The following CEP83 variants were observed in gnomAD, a reference collection of about 807,000 sequenced individuals.
CEP83 encodes centrosomal protein 83.
A neutral mutation model predicts 101.9 loss-of-function variants in CEP83; 70 were observed. The observed-to-expected ratio is 0.69, with a 90% CI of 0.57 to 0.84. CEP83 has a LOEUF of 0.84. CEP83 is among the 40% of genes least tolerant of loss of function. The pLI, the probability that CEP83 is intolerant of heterozygous loss-of-function variation, is 0.00. For synonymous variants in CEP83, 264 were observed against 267.9 expected, an observed-to-expected ratio of 0.99 and a Z score of 0.14; for missense variants, 715 against 787.2, an observed-to-expected ratio of 0.91 and a Z score of 1.10.
chr12:94,417,966 A>G (rs1490554234), intron 2 of CEP83, among the ~76,000 whole-genome samples: 1 of 152,246 alleles, frequency 6.6e-6, no homozygotes, highest in Non-Finnish European at 1.5e-5. Context: ...GCTTAAACAA[A>G]CAATGACAAA....
chr12:94,446,906 C>G (rs1023330644), intron 1 of CEP83, among the ~76,000 whole-genome samples: 1 of 151,996 alleles, frequency 6.6e-6, no homozygotes, highest in Non-Finnish European at 1.5e-5. Context: ...AAGAAACCTG[C>G]AAATGCTGAA....
chr12:94,305,242 TAA>T (rs1383134665), downstream of CEP83: 1 of 1,611,436 alleles, frequency 6.2e-7, no homozygotes. Flanking sequence ...CTCTTGCATG[TAA>T]AAGTCTTATT....
At chr12:94,313,944 A>G (rs1970266642) in intron 14 of CEP83, among the ~76,000 whole-genome samples, 2 of 152,212 alleles carry the variant, frequency 1.3e-5, no homozygotes, top group African/African-American at 4.8e-5. Context: ...AGCTAAGATA[A>G]ATATGGATGC....
chr12:94,332,798 T>C (rs1011414306), intron 13 of CEP83, among the ~76,000 whole-genome samples: 2 of 151,954 alleles, frequency 1.3e-5, no homozygotes, highest in Admixed American at 1.3e-4. Flanking sequence ...ACTGAAGAAA[T>C]ACAGTTTTAT....
intron 11 of CEP83, among the ~76,000 whole-genome samples, chr12:94,343,809 A>G (rs1032985247): frequency 2.0e-5 from 3 of 152,174 alleles, no homozygotes; most frequent in Non-Finnish European, 2.9e-5. Flanking sequence ...AACTTTTTAA[A>G]AAGGTTCTCC....
chr12:94,283,179 A>G, the CEP83 span, among the ~76,000 whole-genome samples: 1 of 152,214 alleles, frequency 6.6e-6, no homozygotes, highest in Non-Finnish European at 1.5e-5. Context: ...AGACAAGTAG[A>G]GTCAACACCT....
downstream of CEP83, among the ~76,000 whole-genome samples, chr12:94,302,652 G>A (rs1370771053): frequency 6.6e-6 from 1 of 152,152 alleles, no homozygotes; most frequent in Non-Finnish European, 1.5e-5. Flanking sequence ...TCATTTTATA[G>A]ATGAGAAAAT....
At chr12:94,328,962 A>G (rs972296390) in intron 14 of CEP83, among the ~76,000 whole-genome samples, 4 of 152,322 alleles carry the variant, frequency 2.6e-5, no homozygotes, top group Admixed American at 2.6e-4. Context: ...ACATACTTAT[A>G]TACTTTTTAA....
chr12:94,431,812 G>A (rs141433327), intron 2 of CEP83, among the ~76,000 whole-genome samples: 102 of 152,188 alleles, frequency 6.7e-4, no homozygotes, highest in African/African-American at 2.4e-3. Flanking sequence ...GGAGAAAAAG[G>A]GAACTCTTAT....
intron 1 of CEP83, among the ~76,000 whole-genome samples, chr12:94,442,700 T>C (rs1486982595): frequency 1.3e-5 from 2 of 152,198 alleles, no homozygotes; most frequent in African/African-American, 2.4e-5. Context: ...GGAAAAGTTA[T>C]CACATTTTAT....
At chr12:94,285,922 G>A in the CEP83 span, among the ~76,000 whole-genome samples, 1 of 152,302 alleles carries the variant, frequency 6.6e-6, no homozygotes, top group Non-Finnish European at 1.5e-5. Flanking sequence ...CCACTGTGGG[G>A]CATGGGGTGG....
Position 94,375,996 on chromosome 12 carries a change from A to T in CEP83, c.823T>A (p.Leu275Ile). 6.4e-7 allele frequency: 1 copy of T among 1,561,214 alleles called. No individual in the cohort carries two copies. Among genetic ancestry groups the T allele is most frequent in the African/African-American group, 1.4e-5 (1 of 73,294 alleles). ...TCTTTTTCCAAACGTTCTGCCCGTA[A>T]ATTAGCTGATTGTTTTTCAGCCTTT... is the stretch of plus-strand genomic sequence containing the variant. ...SLEAEKQSAN[L>I]RAERLEKELQ... Residue 275 changes from leucine (L) to isoleucine (I), a missense_variant, in exon 8 of 17, where the codon TTA becomes ATA. By Grantham distance (5) the Leu-to-Ile change is conservative (BLOSUM62 2). Transcript: ENST00000397809.
intron 14 of CEP83, among the ~76,000 whole-genome samples, chr12:94,330,844 T>G (rs545263766): frequency 2.1e-4 from 32 of 152,300 alleles, no homozygotes; most frequent in Non-Finnish European, 3.7e-4. Context: ...TCAAAACAAC[T>G]GACTTACATA....
At chr12:94,277,778 C>A in the CEP83 span, 1 of 362,948 alleles carries the variant, frequency 2.8e-6, no homozygotes, top group Non-Finnish European at 5.5e-6. Flanking sequence ...GGTTTTATTG[C>A]CGATACTATC....
chr12:94,385,348 C>T (rs995831557), intron 6 of CEP83, among the ~76,000 whole-genome samples: 1 of 152,240 alleles, frequency 6.6e-6, no homozygotes, highest in East Asian at 1.9e-4. Flanking sequence ...TGTACTAGGC[C>T]TCCTCTGACA....
chr12:94,341,549 TAA>T (rs71849042), intron 11 of CEP83, among the ~76,000 whole-genome samples: 1 of 146,606 alleles, frequency 6.8e-6, no homozygotes. Flanking sequence ...TGTTGAACAT[TAA>T]AAAAAAAAAG....
At chr12:94,357,046 A>G (rs905742358) in intron 11 of CEP83, among the ~76,000 whole-genome samples, 1 of 152,218 alleles carries the variant, frequency 6.6e-6, no homozygotes, top group Non-Finnish European at 1.5e-5. Flanking sequence ...GACCAAGGGA[A>G]CCATATGTTG....
chr12:94,443,303 A>G (rs1566224820), intron 1 of CEP83, among the ~76,000 whole-genome samples: 1 of 150,874 alleles, frequency 6.6e-6, no homozygotes, highest in Non-Finnish European at 1.5e-5. Flanking sequence ...GCCAAATTAA[A>G]ATACCTTCTT....
chr12:94,298,724 C>CT, the CEP83 span: 2 of 1,612,700 alleles, frequency 1.2e-6, no homozygotes, highest in Non-Finnish European at 8.5e-7. Context: ...ACTTTTTTGA[C>CT]TTTTTGGACG....
Sources: allele counts gnomAD v4.1 joint callset (sites outside exome capture counted in the v4.1 genomes callset), GRCh38; gene constraint gnomAD v4.1.1; transcripts MANE v1.5; gene names NCBI Gene and HGNC (gene_info 2026-07-23, HGNC 2026-07-21).